The following NSD1 variants were observed in gnomAD, a reference collection of about 807,000 sequenced individuals.
The protein encoded by NSD1 is histone-lysine N-methyltransferase, H3 lysine-36 specific.
Under a neutral mutation model 242.7 loss-of-function variants are expected in NSD1, and 26 were observed. That is an observed-to-expected ratio of 0.11 (90% confidence interval 0.08 to 0.15). The LOEUF (loss-of-function observed/expected upper bound fraction) is 0.15, where lower values mean the gene tolerates loss of function less well. NSD1 is among the 10% of genes least tolerant of loss of function. The pLI, the probability that NSD1 is intolerant of heterozygous loss-of-function variation, is 1.00. For missense variants in NSD1, 2,495 were observed against 3,272.8 expected, an observed-to-expected ratio of 0.76 and a Z score of 5.80; for synonymous variants, 1,106 against 1,178.1, an observed-to-expected ratio of 0.94 and a Z score of 1.25.
At chr5:177,194,634 TG>T (rs1238423531) in intron 3 of NSD1, among the ~76,000 whole-genome samples, 15 of 146,946 alleles carry the variant, frequency 1.0e-4, no homozygotes, top group Admixed American at 2.7e-4. Flanking sequence ...GTAGAATTCC[TG>T]GATTTGATTT....
rs761729955 is a variant in NSD1 at position 177,191,997 on chromosome 5, T to A, written c.1041T>A (p.Ile347=). The change falls in exon 3 of 23, where the codon ATT becomes ATA. Residue 347 remains isoleucine, a synonymous_variant. Coordinates refer to ENST00000439151, the MANE Select transcript of NSD1 (RefSeq NM_022455.5). ...GCAGGATTTGTTCTGATCCGTTGAT[T>A]AACACACATTCAAAAATGAAAGGTA... ...WPCRICSDPL[I]NTHSKMKVSN... 32 of 1,614,162 alleles carry A rather than the reference T, an allele frequency of 2.0e-5. No individual in the cohort carries two copies. Among genetic ancestry groups the A allele is most frequent in the Non-Finnish European group, 2.6e-5 (31 of 1,180,012 alleles).
At chr5:177,192,775 C>T (rs1176191602) in intron 3 of NSD1, among the ~76,000 whole-genome samples, 1 of 152,170 alleles carries the variant, frequency 6.6e-6, no homozygotes, top group Non-Finnish European at 1.5e-5. Flanking sequence ...AGGTGATCCG[C>T]CCGCCTTAGA....
At chr5:177,263,590 T>C (rs1417081184) in intron 14 of NSD1, among the ~76,000 whole-genome samples, 1 of 152,232 alleles carries the variant, frequency 6.6e-6, no homozygotes, top group Non-Finnish European at 1.5e-5. Context: ...GAAGTCAACA[T>C]TGTTTTTCTA....
At chr5:177,157,535 C>T (rs540537885) in intron 2 of NSD1, among the ~76,000 whole-genome samples, 9 of 152,144 alleles carry the variant, frequency 5.9e-5, no homozygotes, top group African/African-American at 2.2e-4. Flanking sequence ...CCCATCTCTA[C>T]TAAAAATACA....
chr5:177,279,818 C>T (rs1208331063), intron 17 of NSD1, among the ~76,000 whole-genome samples: 1 of 150,386 alleles, frequency 6.6e-6, no homozygotes, highest in East Asian at 2.0e-4. Flanking sequence ...GGGGTTTCAC[C>T]GTGTTAGCCA....
chr5:177,131,800 C>T (rs1229035429), upstream of NSD1, among the ~76,000 whole-genome samples: 5 of 152,258 alleles, frequency 3.3e-5, no homozygotes, highest in South Asian at 8.3e-4. Context: ...GTGCCCTCAG[C>T]TTGAGATGGA....
chr5:177,206,055 A>C lies in NSD1; in HGVS notation c.1236+1763A>C, dbSNP rs143856541. Among the ~76,000 whole-genome samples the C allele has an allele frequency of 7.9e-3, 1,203 of 152,260 alleles. 20 individuals carry two copies. The highest frequency in any genetic ancestry group is 0.024 in the African/African-American group (1,016 of 41,544). ...TGCTCTGTCACCCAGGCCGGAGTACAATGGTACAATCTTGGCTCACTGCAA... is the reference window on the plus strand; with the variant it reads ...TGCTCTGTCACCCAGGCCGGAGTACCATGGTACAATCTTGGCTCACTGCAA... On this transcript the variant is annotated intron_variant, in intron 4 of 22. Transcript: ENST00000439151.
intron 5 of NSD1, among the ~76,000 whole-genome samples, chr5:177,233,870 G>A (rs1048751249): frequency 5.3e-5 from 8 of 152,168 alleles, no homozygotes; most frequent in African/African-American, 1.9e-4. Context: ...ACTGCCATAT[G>A]ACCAGGGAAT....
At chr5:177,202,025 G>C (rs914918702) in intron 3 of NSD1, among the ~76,000 whole-genome samples, 13 of 151,922 alleles carry the variant, frequency 8.6e-5, no homozygotes, top group Non-Finnish European at 1.5e-5. Flanking sequence ...AAAATTAGTT[G>C]GGCGTGGTGG....
intron 14 of NSD1, chr5:177,266,210 C>G: frequency 1.1e-6 from 1 of 930,468 alleles, no homozygotes; most frequent in Admixed American, 1.7e-5. Context: ...CATCCACTTG[C>G]TGATGATGAT....
chr5:177,192,098 T>A, intron 3 of NSD1, 79 bp downstream of exon 3: 1 of 1,264,812 alleles, frequency 7.9e-7, no homozygotes, highest in East Asian at 2.6e-5. Flanking sequence ...AATAATAATA[T>A]ATTTTTTTCC....
chr5:177,267,503 G>A, intron 14 of NSD1, 59 bp from the exon 15 acceptor site: 2 of 1,350,994 alleles, frequency 1.5e-6, no homozygotes, highest in Non-Finnish European at 2.1e-6. Context: ...GTGTATGGAT[G>A]TACACATACA....
chr5:177,259,335 T>A (rs1384201908), intron 13 of NSD1, among the ~76,000 whole-genome samples: 2 of 152,182 alleles, frequency 1.3e-5, no homozygotes, highest in East Asian at 3.8e-4. Flanking sequence ...GCAGTTTCGA[T>A]GAGTGTGATG....
chr5:177,162,731 A>G (rs1386134267), intron 2 of NSD1, among the ~76,000 whole-genome samples: 2 of 151,842 alleles, frequency 1.3e-5, no homozygotes, highest in Non-Finnish European at 2.9e-5. Flanking sequence ...TGCAGGCTGG[A>G]CTGCAGTGGT....
At chr5:177,207,226 G>A (rs1364841252) in intron 4 of NSD1, among the ~76,000 whole-genome samples, 1 of 151,906 alleles carries the variant, frequency 6.6e-6, no homozygotes. Context: ...AGGATTACAG[G>A]CGTGAGCCAC....
chr5:177,295,285 A>G lies in NSD1; in HGVS notation c.7917A>G (p.Ile2639Met). Reference sequence around the variant, plus strand: ...CATCACGGGCAGGGCTCTGGCCCATAGTGGCTGGACAGACACTGGCACAGT... The same window carrying G: ...CATCACGGGCAGGGCTCTGGCCCATGGTGGCTGGACAGACACTGGCACAGT... The part of the protein sequence containing the change: ...KASSRAGLWP[I>M]VAGQTLAQSC... The change falls in exon 23 of 23, where the codon ATA becomes ATG. Residue 2639 changes from isoleucine (I) to methionine (M), a missense_variant. Ile to Met is a conservative substitution (Grantham distance 10). This residue lies in a region of NSD1 where 475 missense variants were observed against 563.7 expected (regional missense o/e 0.84). Transcript: ENST00000439151. This position sits in a 1 kb window ranked among gnomAD's most constrained non-coding sequence, Gnocchi z 4.3. 6.2e-7 allele frequency: 1 copy of G among 1,614,256 alleles called. No individual in the cohort carries two copies. The highest frequency in any genetic ancestry group is 8.5e-7 in the Non-Finnish European group (1 of 1,180,046).
intron 2 of NSD1, among the ~76,000 whole-genome samples, chr5:177,148,572 A>G (rs969622077): frequency 3.3e-5 from 5 of 151,436 alleles, no homozygotes; most frequent in African/African-American, 1.2e-4. Flanking sequence ...CCACAGGTGC[A>G]CACCACCACA....
chr5:177,273,312 T>TTAA (rs1554202794), intron 16 of NSD1, among the ~76,000 whole-genome samples: 6 of 90,918 alleles, frequency 6.6e-5, no homozygotes, highest in African/African-American at 8.7e-5. Context: ...ACTGATGAGC[T>TTAA]AAAAAAAAAA....
At chr5:177,187,497 A>G (rs1761333055) in intron 2 of NSD1, among the ~76,000 whole-genome samples, 1 of 152,132 alleles carries the variant, frequency 6.6e-6, no homozygotes, top group South Asian at 2.1e-4. Context: ...AAAATAATGT[A>G]TGTGTATTAG....
Sources: gnomAD v4.1 joint callset for allele counts (sites outside exome capture counted in the v4.1 genomes callset) on GRCh38, gnomAD v4.1.1 for gene constraint, gnomAD v4.1.1 regional missense constraint, Gnocchi (gnomAD v3.1) non-coding constraint, MANE v1.5 for transcripts, NCBI Gene and HGNC (gene_info 2026-07-23, HGNC 2026-07-21) for gene names.